The following LRFN2 variants were observed in gnomAD, a reference collection of about 807,000 sequenced individuals.
The protein encoded by LRFN2 is leucine-rich repeat and fibronectin type-III domain-containing protein 2.
LRFN2 carries 18 observed loss-of-function variants against 37.3 expected under a neutral mutation model. That is an observed-to-expected ratio of 0.48 (90% confidence interval 0.33 to 0.72). The LOEUF is 0.72. LRFN2 is among the 30% of genes least tolerant of loss of function. The pLI is 0.02. For missense variants in LRFN2, 1,006 were observed against 1,060.7 expected, an observed-to-expected ratio of 0.95 and a Z score of 0.72; for synonymous variants, 556 against 466.6, an observed-to-expected ratio of 1.19 and a Z score of -2.47.
chr6:40,424,882 C>A (rs529231908), intron 2 of LRFN2, among the ~76,000 whole-genome samples: 1 of 152,240 alleles, frequency 6.6e-6, no homozygotes, highest in Non-Finnish European at 1.5e-5. Flanking sequence ...CTCCCCATGG[C>A]CCCAGATCCT....
At chr6:40,512,995 G>T (rs1248205429) in intron 1 of LRFN2, among the ~76,000 whole-genome samples, 1 of 152,112 alleles carries the variant, frequency 6.6e-6, no homozygotes, top group Non-Finnish European at 1.5e-5. Context: ...GTTTATAAAC[G>T]TCAGGCCTGA....
chr6:40,540,891 G>T (rs1218189248), intron 1 of LRFN2, among the ~76,000 whole-genome samples: 1 of 152,160 alleles, frequency 6.6e-6, no homozygotes, highest in Admixed American at 6.5e-5. Flanking sequence ...TTCCCAGCTT[G>T]CTCTCAGGGC....
chr6:40,568,684 TTTCCTTCCTTCC>T (rs369194708), intron 1 of LRFN2, among the ~76,000 whole-genome samples: 283 of 132,036 alleles, frequency 2.1e-3, no homozygotes, highest in African/African-American at 4.0e-3. Context: ...GTCTCCCCCA[TTTCCTTCCTTCC>T]TTCCTTCCTT....
intron 1 of LRFN2, among the ~76,000 whole-genome samples, chr6:40,561,395 GC>G (rs1397030699): frequency 6.6e-6 from 1 of 152,204 alleles, no homozygotes; most frequent in Non-Finnish European, 1.5e-5. Flanking sequence ...AAAGGCAATG[GC>G]CGGTTGGGGA....
At chr6:40,441,273 G>T (rs577413906) in intron 1 of LRFN2, among the ~76,000 whole-genome samples, 57 of 152,344 alleles carry the variant, frequency 3.7e-4, no homozygotes, top group African/African-American at 1.3e-3. Flanking sequence ...GGAGGCCCAT[G>T]CATGGATGGG....
At chr6:40,405,188 C>T (rs1762815814) in intron 2 of LRFN2, among the ~76,000 whole-genome samples, 1 of 152,184 alleles carries the variant, frequency 6.6e-6, no homozygotes, top group African/African-American at 2.4e-5. Flanking sequence ...TGAGAAAAAT[C>T]CCTCATAGAT....
chr6:40,423,100 C>T (rs568293285), intron 2 of LRFN2, among the ~76,000 whole-genome samples: 2 of 152,176 alleles, frequency 1.3e-5, no homozygotes, highest in Non-Finnish European at 2.9e-5. Flanking sequence ...ATTTGAGATG[C>T]TCTTAGAAGG....
intron 2 of LRFN2, among the ~76,000 whole-genome samples, chr6:40,419,733 C>G (rs934129599): frequency 6.6e-6 from 1 of 152,064 alleles, no homozygotes. Flanking sequence ...TCACCCTGAC[C>G]CCGCACAGCC....
intron 1 of LRFN2, among the ~76,000 whole-genome samples, chr6:40,559,858 G>C (rs897842116): frequency 1.3e-5 from 2 of 152,108 alleles, no homozygotes; most frequent in Admixed American, 1.3e-4. Flanking sequence ...CTTCTCTGCC[G>C]TTCTTCCAAG....
In LRFN2 at chr6:40,406,466, T is replaced by C. The variant is rs76297278; in HGVS notation, c.1401-13554A>G. Reference sequence around the variant, plus strand: ...TCTCTTGCTGACTAACCAAGGTGTCTGCTTGCTCTTCCCAGTTCTCCTCTG... The same window carrying C: ...TCTCTTGCTGACTAACCAAGGTGTCCGCTTGCTCTTCCCAGTTCTCCTCTG... On this transcript the variant is annotated intron_variant, in intron 2 of 2. Coordinates refer to ENST00000338305, the MANE Select transcript of LRFN2 (RefSeq NM_020737.3). 2.3e-3 allele frequency among the ~76,000 whole-genome samples: 343 copies of C among 152,314 alleles called. 8 individuals carry two copies. In the East Asian group the frequency reaches 0.056, roughly 25 times the overall value.
chr6:40,523,586 G>A (rs923318652), intron 1 of LRFN2, among the ~76,000 whole-genome samples: 8 of 141,516 alleles, frequency 5.7e-5, no homozygotes, highest in African/African-American at 1.3e-4. Flanking sequence ...CAGAGGCTAC[G>A]AATAATACCT....
intron 1 of LRFN2, among the ~76,000 whole-genome samples, chr6:40,513,823 C>T (rs1765780269): frequency 6.6e-6 from 1 of 151,780 alleles, no homozygotes; most frequent in African/African-American, 2.4e-5. Context: ...CTTCCCAAAA[C>T]TGATATCCAG....
intron 1 of LRFN2, among the ~76,000 whole-genome samples, chr6:40,565,991 C>G (rs1175731442): frequency 1.3e-5 from 2 of 152,038 alleles, no homozygotes; most frequent in African/African-American, 4.8e-5. Context: ...ACTTATCTGA[C>G]AAAGGGCTAA....
At chr6:40,525,441 G>C (rs1766225014) in intron 1 of LRFN2, among the ~76,000 whole-genome samples, 1 of 152,184 alleles carries the variant, frequency 6.6e-6, no homozygotes, top group African/African-American at 2.4e-5. Context: ...ATTTGTGCCT[G>C]ATCTGTAAGT....
intron 1 of LRFN2, among the ~76,000 whole-genome samples, chr6:40,530,583 C>A (rs1257550863): frequency 2.0e-5 from 3 of 152,050 alleles, no homozygotes; most frequent in Non-Finnish European, 4.4e-5. Flanking sequence ...CCTTTCCCAA[C>A]TTCCTCAGAG....
chr6:40,393,491 T>TG (rs1762556129), intron 2 of LRFN2, among the ~76,000 whole-genome samples: 1 of 136,064 alleles, frequency 7.3e-6, no homozygotes, highest in Admixed American at 7.3e-5. Context: ...GAAAGAGGAG[T>TG]GGGGGAGACT....
chr6:40,562,387 G>A (rs1384346603), intron 1 of LRFN2, among the ~76,000 whole-genome samples: 2 of 152,038 alleles, frequency 1.3e-5, no homozygotes, highest in African/African-American at 4.8e-5. Flanking sequence ...TCCTGGGGTT[G>A]GATGAGTAGG....
intron 1 of LRFN2, among the ~76,000 whole-genome samples, chr6:40,460,751 T>C (rs1318926708): frequency 6.6e-6 from 1 of 152,154 alleles, no homozygotes; most frequent in Admixed American, 6.5e-5. Context: ...CTGGGATAGA[T>C]CACCACAGAA....
intron 1 of LRFN2, among the ~76,000 whole-genome samples, chr6:40,546,242 G>A (rs2113919320): frequency 6.6e-6 from 1 of 152,338 alleles, no homozygotes; most frequent in East Asian, 1.9e-4. Context: ...GAGAAGCGGG[G>A]CCTTGAATGC....
Sources: allele counts gnomAD v4.1 joint callset (sites outside exome capture counted in the v4.1 genomes callset), GRCh38; gene constraint gnomAD v4.1.1; transcripts MANE v1.5; gene names NCBI Gene and HGNC (gene_info 2026-07-23, HGNC 2026-07-21).